FARP1: variants seen among roughly 807,000 people sequenced by gnomAD.
The protein encoded by FARP1 is FERM, ARH/RhoGEF and pleckstrin domain protein 1, also known as FERM, ARHGEF and pleckstrin domain-containing protein 1.
Under a neutral mutation model 128.8 loss-of-function variants are expected in FARP1, and 52 were observed. The observed-to-expected ratio is 0.40, with a 90% CI of 0.32 to 0.51. FARP1 has a LOEUF of 0.51. FARP1 is among the 20% of genes least tolerant of loss of function. The pLI is 0.45. For synonymous variants in FARP1, 580 were observed against 551.8 expected, an observed-to-expected ratio of 1.05 and a Z score of -0.72; for missense variants, 1,333 against 1,367.9, an observed-to-expected ratio of 0.97 and a Z score of 0.40.
chr13:98,293,186 T>C (rs557871464), intron 2 of FARP1, among the ~76,000 whole-genome samples: 1 of 152,158 alleles, frequency 6.6e-6, no homozygotes, highest in South Asian at 2.1e-4. Flanking sequence ...ATGGAATCAA[T>C]TGTTTTCTCT....
At chr13:98,152,768 A>G (rs1594203743) in intron 1 of FARP1, among the ~76,000 whole-genome samples, 1 of 152,158 alleles carries the variant, frequency 6.6e-6, no homozygotes, top group East Asian at 1.9e-4. Flanking sequence ...AATTATGTGG[A>G]AAGTGACTTA....
intron 2 of FARP1, among the ~76,000 whole-genome samples, chr13:98,341,971 G>T (rs530907603): frequency 1.3e-5 from 2 of 152,262 alleles, no homozygotes; most frequent in African/African-American, 4.8e-5. Flanking sequence ...TACTAACTGG[G>T]GACATAGACA....
At chr13:98,369,916 G>A (rs1889257138) in intron 5 of FARP1, among the ~76,000 whole-genome samples, 1 of 152,158 alleles carries the variant, frequency 6.6e-6, no homozygotes, top group African/African-American at 2.4e-5. Flanking sequence ...TTTATCAAAG[G>A]GATGAAGATA....
At chr13:98,380,599 A>G (rs115960417) in intron 6 of FARP1, among the ~76,000 whole-genome samples, 1,758 of 151,920 alleles carry the variant, frequency 0.012, 43 homozygotes, top group African/African-American at 0.04. Context: ...TTTTTTTTTT[A>G]GACAGTCTCT....
At chr13:98,278,417 G>A (rs1413300229) in intron 2 of FARP1, among the ~76,000 whole-genome samples, 4 of 152,070 alleles carry the variant, frequency 2.6e-5, no homozygotes, top group Admixed American at 2.6e-4. Flanking sequence ...GTGCTTGTGT[G>A]AGCATTGTGT....
chr13:98,374,337 T>C (rs1313111150), intron 5 of FARP1, among the ~76,000 whole-genome samples: 1 of 152,160 alleles, frequency 6.6e-6, no homozygotes, highest in Admixed American at 6.5e-5. Context: ...GGCAGGAGGA[T>C]TGCTTGAGCC....
rs1891110973 is a variant in FARP1 at position 98,409,531 on chromosome 13, G to A, written c.1602+6G>A. The stretch of plus-strand genomic sequence containing the variant: ...AGGATGAGGGCCGGAGGAAGGTACA[G>A]GGCCGAGGGCTCAAGCGCGTGTGTG... On this transcript the variant is annotated splice_donor_region_variant and intron_variant, in intron 14 of 26. Transcript: ENST00000319562. The A allele has an allele frequency of 1.3e-6, 2 of 1,596,174 alleles. No individual in the cohort carries two copies. The highest frequency in any genetic ancestry group is 2.7e-5 in the African/African-American group (2 of 74,470).
intron 2 of FARP1, among the ~76,000 whole-genome samples, chr13:98,273,030 C>T (rs61284352): frequency 0.012 from 1,795 of 152,232 alleles, 23 homozygotes; most frequent in African/African-American, 0.041. Flanking sequence ...AGAAAGTGCG[C>T]CCAAGGTGGT....
intron 1 of FARP1, among the ~76,000 whole-genome samples, chr13:98,186,897 C>A (rs1417666710): frequency 1.5e-5 from 2 of 137,600 alleles, no homozygotes; most frequent in Non-Finnish European, 3.0e-5. Flanking sequence ...GAGGCTGAGG[C>A]GTAAGAATTG....
intron 2 of FARP1, among the ~76,000 whole-genome samples, chr13:98,238,653 T>C (rs1882588129): frequency 6.6e-6 from 1 of 152,132 alleles, no homozygotes; most frequent in African/African-American, 2.4e-5. Flanking sequence ...CTGAGACTTA[T>C]TCACTGTCAT....
At chr13:98,310,145 GAC>G (rs779965061) in intron 2 of FARP1, among the ~76,000 whole-genome samples, 4 of 149,856 alleles carry the variant, frequency 2.7e-5, no homozygotes, top group Non-Finnish European at 5.9e-5. Context: ...GGGAAATAAA[GAC>G]ACAGAATGAC....
intron 2 of FARP1, among the ~76,000 whole-genome samples, chr13:98,308,051 T>C (rs1160609448): frequency 2.3e-5 from 2 of 88,366 alleles, no homozygotes; most frequent in Admixed American, 2.6e-4. Flanking sequence ...TTTTTTTTTT[T>C]TTTTTTTTTT....
At chr13:98,249,610 A>G (rs776423730) in intron 2 of FARP1, among the ~76,000 whole-genome samples, 10 of 151,992 alleles carry the variant, frequency 6.6e-5, no homozygotes, top group Non-Finnish European at 1.3e-4. Context: ...CTAATGGCCC[A>G]TTGATGACAC....
intron 13 of FARP1, chr13:98,397,932 A>G (rs1315134248): frequency 6.7e-6 from 1 of 149,154 alleles, no homozygotes; most frequent in Non-Finnish European, 1.5e-5. Flanking sequence ...TAAATTGTAG[A>G]ATAAAATTTT....
rs1192669182 is a variant in FARP1, at chr13:98,288,984, T to C, written c.172-54778T>C. 2.7e-5 allele frequency among the ~76,000 whole-genome samples: 4 copies of C among 147,044 alleles called. No individual in the cohort carries two copies. In the East Asian group the frequency reaches 8.0e-4, roughly 29 times the overall value. Reference sequence around the variant, plus strand: ...TTCCTATGGCTTTTTTTTTTTTTTTTCTGTGTATGAGCAATTCGACTCAGT... The same window carrying C: ...TTCCTATGGCTTTTTTTTTTTTTTTCCTGTGTATGAGCAATTCGACTCAGT... On this transcript the variant is annotated intron_variant, in intron 2 of 26. Transcript: ENST00000319562.
At chr13:98,372,247 C>G (rs1401643132) in intron 5 of FARP1, among the ~76,000 whole-genome samples, 1 of 152,056 alleles carries the variant, frequency 6.6e-6, no homozygotes, top group Non-Finnish European at 1.5e-5. Context: ...CCACCACACC[C>G]AGCTAATTTT....
intron 1 of FARP1, among the ~76,000 whole-genome samples, chr13:98,180,215 T>A (rs947224019): frequency 6.6e-6 from 1 of 152,142 alleles, no homozygotes. Context: ...CCAGTAAACT[T>A]CCAGTTGATC....
At chr13:98,326,114 G>A (rs1469529415) in intron 2 of FARP1, among the ~76,000 whole-genome samples, 2 of 152,162 alleles carry the variant, frequency 1.3e-5, no homozygotes, top group East Asian at 3.9e-4. Context: ...TCGTCTGCTT[G>A]GTAATGAATA....
intron 1 of FARP1, among the ~76,000 whole-genome samples, chr13:98,182,151 T>A (rs1878579483): frequency 6.6e-6 from 1 of 152,180 alleles, no homozygotes; most frequent in Admixed American, 6.5e-5. Context: ...ATTATGAATT[T>A]TACAGTGTGA....
Sources: gnomAD v4.1 joint callset for allele counts (sites outside exome capture counted in the v4.1 genomes callset) on GRCh38, gnomAD v4.1.1 for gene constraint, MANE v1.5 for transcripts, NCBI Gene and HGNC (gene_info 2026-07-23, HGNC 2026-07-21) for gene names.